Variants in SLC39A11 observed in about 807,000 individuals in gnomAD.
The protein encoded by SLC39A11 is solute carrier family 39 member 11, also known as zinc transporter ZIP11.
A neutral mutation model predicts 36.1 loss-of-function variants in SLC39A11; 33 were observed. That is an observed-to-expected ratio of 0.91 (90% CI 0.69 to 1.22). The LOEUF (loss-of-function observed/expected upper bound fraction) is 1.22. Ranked by LOEUF, SLC39A11 falls within the 50% of genes most tolerant of loss-of-function variation. The pLI, the probability that SLC39A11 is intolerant of heterozygous loss-of-function variation, is 0.00. For missense variants in SLC39A11, 432 were observed against 430.3 expected (o/e 1.00, Z -0.03); for synonymous variants, 166 against 170.3 (o/e 0.97, Z 0.20).
intron 5 of SLC39A11, among the ~76,000 whole-genome samples, chr17:72,925,568 A>G (rs1598438045): frequency 1.3e-5 from 2 of 152,096 alleles, no homozygotes; most frequent in East Asian, 1.9e-4. Context: ...GGCCTACTCT[A>G]TTCACAATTA....
intron 6 of SLC39A11, among the ~76,000 whole-genome samples, chr17:72,785,923 A>T (rs912536710): frequency 2.0e-5 from 3 of 150,320 alleles, no homozygotes; most frequent in Non-Finnish European, 4.4e-5. Context: ...GCTAGAAATG[A>T]TCGTTTATGC....
chr17:72,794,348 C>T (rs534659065), intron 6 of SLC39A11, among the ~76,000 whole-genome samples: 9 of 152,224 alleles, frequency 5.9e-5, no homozygotes, highest in Admixed American at 1.3e-4. Context: ...ACCAAGCCAG[C>T]GAGCGCGGTG....
chr17:72,875,130 T>A (rs956595591), intron 5 of SLC39A11, among the ~76,000 whole-genome samples: 1 of 152,014 alleles, frequency 6.6e-6, no homozygotes, highest in Non-Finnish European at 1.5e-5. Context: ...ACTGGTGCAA[T>A]TAGATGCAGA....
chr17:72,748,761 T>G (rs1159543336), intron 6 of SLC39A11, among the ~76,000 whole-genome samples: 1 of 152,240 alleles, frequency 6.6e-6, no homozygotes, highest in African/African-American at 2.4e-5. Flanking sequence ...TATACTGGCA[T>G]TGAAGATTCC....
intron 4 of SLC39A11, among the ~76,000 whole-genome samples, chr17:73,026,199 G>GA (rs1321740778): frequency 0.93 from 133,856 of 144,244 alleles, 63,765 homozygotes; most frequent in Non-Finnish European, 0.95. Flanking sequence ...GAGAAGAGAA[G>GA]GGAAGAGAAG....
chr17:72,798,730 C>G (rs1370038013), intron 6 of SLC39A11, among the ~76,000 whole-genome samples: 1 of 152,048 alleles, frequency 6.6e-6, no homozygotes, highest in Non-Finnish European at 1.5e-5. Context: ...GGGGGCCCCA[C>G]CCTCCTCACC....
At chr17:72,734,445 G>C (rs1380143295) in intron 7 of SLC39A11, among the ~76,000 whole-genome samples, 2 of 152,162 alleles carry the variant, frequency 1.3e-5, no homozygotes, top group Non-Finnish European at 2.9e-5. Flanking sequence ...AATGGGTCAG[G>C]TGTGGGGGCA....
At chr17:72,991,271 A>C (rs935738637) in intron 4 of SLC39A11, among the ~76,000 whole-genome samples, 1 of 152,124 alleles carries the variant, frequency 6.6e-6, no homozygotes, top group Non-Finnish European at 1.5e-5. Context: ...AAAAATTCAC[A>C]CTATTATTTT....
chr17:72,784,599 G>A (rs2076438241), intron 6 of SLC39A11, among the ~76,000 whole-genome samples: 1 of 152,084 alleles, frequency 6.6e-6, no homozygotes, highest in Non-Finnish European at 1.5e-5. Flanking sequence ...GAGGTGTCTG[G>A]ATCCTGGGGG....
intron 7 of SLC39A11, among the ~76,000 whole-genome samples, chr17:72,683,256 AC>A (rs1409582401): frequency 6.6e-6 from 1 of 151,072 alleles, no homozygotes; most frequent in Non-Finnish European, 1.5e-5. Context: ...TAAAGTATAC[AC>A]CCCCATGGAA....
chr17:72,881,363 G>C (rs535006450), intron 5 of SLC39A11, among the ~76,000 whole-genome samples: 2 of 152,266 alleles, frequency 1.3e-5, no homozygotes, highest in African/African-American at 4.8e-5. Flanking sequence ...TGGTTTCCCA[G>C]GTATGCACAT....
intron 4 of SLC39A11, among the ~76,000 whole-genome samples, chr17:73,015,090 T>C (rs1239791696): frequency 6.6e-6 from 1 of 152,214 alleles, no homozygotes; most frequent in African/African-American, 2.4e-5. Context: ...CCCTCCCAAA[T>C]ACTGAGTTTC....
Position 72,974,967 on chromosome 17 carries a change from G to A in SLC39A11, c.307-27092C>T, listed in dbSNP as rs79283493. Among the ~76,000 whole-genome samples, 1,289 of 152,284 alleles carry A rather than the reference G, an allele frequency of 8.5e-3. 55 individuals are homozygous for A. In the East Asian group the frequency reaches 0.13, roughly 15 times the overall value. Reference sequence around the variant, plus strand: ...CAGGTTTGTAGCCTCGGAGCAATAGGCTACACCCTACAGCCTATGTGTGCA... The same window carrying A: ...CAGGTTTGTAGCCTCGGAGCAATAGACTACACCCTACAGCCTATGTGTGCA... On this transcript the variant is annotated intron_variant, in intron 4 of 9. Transcript: ENST00000255559.
intron 5 of SLC39A11, among the ~76,000 whole-genome samples, chr17:72,914,995 CTT>C (rs1484234981): frequency 6.6e-6 from 1 of 152,156 alleles, no homozygotes. Flanking sequence ...GCTGGGGCCA[CTT>C]TGTTTTTCAT....
intron 5 of SLC39A11, among the ~76,000 whole-genome samples, chr17:72,927,350 C>A (rs972127982): frequency 6.6e-6 from 1 of 152,220 alleles, no homozygotes; most frequent in African/African-American, 2.4e-5. Flanking sequence ...GCATGAGTCA[C>A]TGCGCCCAGT....
chr17:72,851,155 C>T (rs891311127), intron 5 of SLC39A11, among the ~76,000 whole-genome samples: 2 of 152,132 alleles, frequency 1.3e-5, no homozygotes, highest in African/African-American at 2.4e-5. Flanking sequence ...ATGGGCCATC[C>T]GTAGCACCCA....
At chr17:73,004,288 T>A (rs1598810199) in intron 4 of SLC39A11, among the ~76,000 whole-genome samples, 1 of 151,828 alleles carries the variant, frequency 6.6e-6, no homozygotes, top group East Asian at 1.9e-4. Context: ...TCCGCAACAT[T>A]TATTTCTCAT....
chr17:72,856,683 T>G (rs1381876981), intron 5 of SLC39A11, among the ~76,000 whole-genome samples: 1 of 152,098 alleles, frequency 6.6e-6, no homozygotes, highest in Non-Finnish European at 1.5e-5. Context: ...ATTAAAACTT[T>G]TTTTTTTTCT....
At position 73,054,524 on chromosome 17, in the gene SLC39A11, T is replaced by A. The variant is rs150758911; in HGVS notation, c.148-22810A>T. ...CCTCTGCCCTCAAGGTGCTTCTAGTTTGGGGAGGAAAGAAGACAAACAATT... is the reference window on the plus strand; with the variant it reads ...CCTCTGCCCTCAAGGTGCTTCTAGTATGGGGAGGAAAGAAGACAAACAATT... On this transcript the variant is annotated intron_variant, in intron 3 of 9. Transcript: ENST00000255559. Among the ~76,000 whole-genome samples the A allele has an allele frequency of 2.4e-3, 365 of 152,004 alleles. 1 individual carries two copies. Among genetic ancestry groups the A allele is most frequent in the African/African-American group, 8.4e-3 (348 of 41,478 alleles).
Sources: allele counts gnomAD v4.1 joint callset (sites outside exome capture counted in the v4.1 genomes callset), GRCh38; gene constraint gnomAD v4.1.1; transcripts MANE v1.5; gene names NCBI Gene and HGNC (gene_info 2026-07-23, HGNC 2026-07-21).